The following SPEF2 variants were observed in gnomAD, a reference collection of about 807,000 sequenced individuals.
SPEF2 encodes the protein sperm flagella and cilia-associated protein 2.
In SPEF2, 187 loss-of-function variants were observed where a neutral mutation model predicts 224.6. The observed-to-expected ratio is 0.83, with a 90% CI of 0.74 to 0.94. SPEF2 has a LOEUF of 0.94. Among genes scored for constraint, SPEF2 ranks in the 40% least tolerant of loss-of-function variants. The pLI is 0.00. For missense variants in SPEF2, 2,170 were observed against 2,135.6 expected, an observed-to-expected ratio of 1.02 and a Z score of -0.32; for synonymous variants, 715 against 707.3, an observed-to-expected ratio of 1.01 and a Z score of -0.17.
chr5:35,795,932 C>T, intron 33 of SPEF2, 137 bp downstream of exon 33: 1 of 736,228 alleles, frequency 1.4e-6, no homozygotes, highest in Non-Finnish European at 2.3e-6. Flanking sequence ...AAGTGCAGAC[C>T]TTAAGTTAGC....
chr5:35,656,216 A>T (rs1468122632), intron 7 of SPEF2, among the ~76,000 whole-genome samples: 1 of 152,166 alleles, frequency 6.6e-6, no homozygotes, highest in African/African-American at 2.4e-5. Flanking sequence ...ACAAATCTGC[A>T]TGTCTACAAA....
At chr5:35,788,182 G>A in intron 30 of SPEF2, 1 of 702,962 alleles carries the variant, frequency 1.4e-6, no homozygotes, top group Non-Finnish European at 2.6e-6. Context: ...GCTCTCCAGT[G>A]AACAGAGCCA....
chr5:35,715,800 T>A (rs1439407268), intron 20 of SPEF2, among the ~76,000 whole-genome samples: 2 of 143,664 alleles, frequency 1.4e-5, no homozygotes, highest in South Asian at 2.2e-4. Context: ...TTCTGTGAAA[T>A]AGGGGGATAT....
At chr5:35,641,717 CAG>C in intron 3 of SPEF2, 34 bp downstream of exon 3, 1 of 1,584,486 alleles carries the variant, frequency 6.3e-7, no homozygotes, top group East Asian at 2.2e-5. Flanking sequence ...AAGCATGTCA[CAG>C]TGTAAAATTT....
intron 30 of SPEF2, chr5:35,789,342 C>G: frequency 1.4e-6 from 1 of 703,414 alleles, no homozygotes; most frequent in Non-Finnish European, 2.6e-6. Flanking sequence ...ACTTTAGAGT[C>G]AATGCTGGAA....
chr5:35,722,497 A>C (rs1343391289), intron 20 of SPEF2, among the ~76,000 whole-genome samples: 9 of 143,460 alleles, frequency 6.3e-5, no homozygotes, highest in Non-Finnish European at 1.1e-4. Flanking sequence ...TTCTTTTATT[A>C]TTATACTTTA....
intron 5 of SPEF2, among the ~76,000 whole-genome samples, chr5:35,647,285 A>G (rs1280938641): frequency 1.3e-5 from 2 of 151,608 alleles, no homozygotes; most frequent in African/African-American, 4.9e-5. Context: ...GTGGAGCCAT[A>G]ATGTGCAGAC....
chr5:35,621,962 TCTA>T (rs1344000917), intron 1 of SPEF2, among the ~76,000 whole-genome samples: 1 of 152,210 alleles, frequency 6.6e-6, no homozygotes, highest in Non-Finnish European at 1.5e-5. Context: ...CAATGTTACT[TCTA>T]CTACCAAAAG....
intron 17 of SPEF2, 107 bp from the exon 18 acceptor site, chr5:35,705,544 A>G (rs1739578206): frequency 2.7e-6 from 2 of 738,662 alleles, no homozygotes; most frequent in Non-Finnish European, 4.3e-6. Flanking sequence ...AGATACAATT[A>G]TATTGGCAGC....
chr5:35,629,961 A>G (rs1035537680), intron 2 of SPEF2, among the ~76,000 whole-genome samples: 1 of 152,190 alleles, frequency 6.6e-6, no homozygotes, highest in Non-Finnish European at 1.5e-5. Flanking sequence ...ATTGATGGTT[A>G]CAATCCTCTG....
chr5:35,686,674 TA>T (rs909088805), intron 10 of SPEF2, among the ~76,000 whole-genome samples: 4 of 152,116 alleles, frequency 2.6e-5, no homozygotes, highest in Non-Finnish European at 1.5e-5. Flanking sequence ...TTAGGCAAAA[TA>T]TGGTACATCA....
chr5:35,759,599 G>C lies in SPEF2; in HGVS notation c.3500G>C (p.Arg1167Thr), dbSNP rs1251828458. The C allele has an allele frequency of 6.2e-7, 1 of 1,607,942 alleles. No individual in the cohort carries two copies. The highest frequency in any genetic ancestry group is 8.5e-7 in the Non-Finnish European group (1 of 1,176,194). ...AELNRFQDTKRLLQDYYWGME... is the reference protein window; with the variant it reads ...AELNRFQDTKTLLQDYYWGME... The stretch of plus-strand genomic sequence containing the variant: ...CTGAACCGTTTCCAAGATACAAAGA[G>C]ACTCCTTCAAGATTATTACTGGGGA... The change falls in exon 25 of 37, where the codon AGA becomes ACA. Residue 1167 changes from arginine to threonine, a missense_variant. Arg to Thr is a moderately conservative substitution (Grantham distance 71). Coordinates refer to ENST00000356031, the MANE Select transcript of SPEF2 (RefSeq NM_024867.4).
At chr5:35,793,664 A>G (rs1360318343) in intron 32 of SPEF2, among the ~76,000 whole-genome samples, 1 of 151,916 alleles carries the variant, frequency 6.6e-6, no homozygotes, top group Non-Finnish European at 1.5e-5. Flanking sequence ...ATCATCTGCA[A>G]AGCTTTTAAT....
intron 2 of SPEF2, chr5:35,632,901 C>G (rs1348991446): frequency 6.6e-6 from 1 of 152,086 alleles, no homozygotes; most frequent in Admixed American, 6.5e-5. Context: ...AATTTAATTA[C>G]ATCGTCATTG....
intron 21 of SPEF2, among the ~76,000 whole-genome samples, chr5:35,738,617 T>C (rs1200668255): frequency 6.7e-6 from 1 of 150,296 alleles, no homozygotes. Context: ...TGTCTGCCGC[T>C]AATCTGGGCA....
intron 10 of SPEF2, chr5:35,671,296 G>C (rs1402706572): frequency 6.2e-6 from 6 of 967,990 alleles, no homozygotes; most frequent in Middle Eastern, 5.3e-4. Context: ...ATAACCTTGT[G>C]GTTAAAAGAT....
chr5:35,722,754 C>A (rs937901437), intron 20 of SPEF2, among the ~76,000 whole-genome samples: 1 of 147,004 alleles, frequency 6.8e-6, no homozygotes, highest in Non-Finnish European at 1.5e-5. Context: ...TTTGTTCTTG[C>A]GATAGTTTAC....
At chr5:35,664,581 G>T (rs1750186329) in intron 8 of SPEF2, among the ~76,000 whole-genome samples, 4 of 152,104 alleles carry the variant, frequency 2.6e-5, no homozygotes, top group Admixed American at 2.6e-4. Context: ...TTGGGAGGCT[G>T]AGGCAGGAGA....
chr5:35,779,242 C>A lies in SPEF2; in HGVS notation c.4343C>A (p.Pro1448His). 2.5e-6 allele frequency: 4 copies of A among 1,613,886 alleles called. No individual in the cohort carries two copies. The highest frequency in any genetic ancestry group is 3.4e-6 in the Non-Finnish European group (4 of 1,179,842). The change falls in exon 30 of 37, where the codon CCC becomes CAC. Residue 1448 changes from proline to histidine, a missense_variant. Pro to His is a moderately conservative substitution (Grantham distance 77). Coordinates refer to ENST00000356031, the MANE Select transcript of SPEF2 (RefSeq NM_024867.4). ...NGNIKVFPDP[P>H]PSIRPPPVEK... ...AATATAAAAGTCTTCCCAGATCCTC[C>A]CCCATCAATACGTCCTCCACCTGTA...
Sources: allele counts gnomAD v4.1 joint callset (sites outside exome capture counted in the v4.1 genomes callset), GRCh38; gene constraint gnomAD v4.1.1; transcripts MANE v1.5; gene names NCBI Gene and HGNC (gene_info 2026-07-23, HGNC 2026-07-21).